The following CALN1 variants were observed in gnomAD, a reference collection of about 807,000 sequenced individuals.
The protein encoded by CALN1 is calcium-binding protein 8.
Under a neutral mutation model 30.6 loss-of-function variants are expected in CALN1, and 17 were observed. The ratio of observed to expected loss-of-function variants is 0.56; its 90% CI spans 0.38 to 0.83. The LOEUF (loss-of-function observed/expected upper bound fraction) is 0.83, where lower values mean the gene tolerates loss of function less well. Among genes scored for constraint, CALN1 ranks in the 40% least tolerant of loss-of-function variants. CALN1 has a pLI of 0.00. For missense variants in CALN1, 291 were observed against 354.9 expected (o/e 0.82, Z 1.45); for synonymous variants, 156 against 131.4 (o/e 1.19, Z -1.28).
chr7:72,190,865 A>C (rs1790547117), intron 3 of CALN1, among the ~76,000 whole-genome samples: 1 of 152,056 alleles, frequency 6.6e-6, no homozygotes, highest in Non-Finnish European at 1.5e-5. Context: ...CAGTTAAAAA[A>C]TGTGTGTCTT....
At chr7:71,971,012 G>C (rs1453243253) in intron 5 of CALN1, among the ~76,000 whole-genome samples, 1 of 152,146 alleles carries the variant, frequency 6.6e-6, no homozygotes, top group Non-Finnish European at 1.5e-5. Flanking sequence ...GTGTGATTAT[G>C]ACACTAGGAA....
chr7:72,243,142 G>T (rs1448659713), intron 3 of CALN1, among the ~76,000 whole-genome samples: 1 of 152,142 alleles, frequency 6.6e-6, no homozygotes, highest in Non-Finnish European at 1.5e-5. Flanking sequence ...ATTAGGTTTA[G>T]ATGAGGTCAT....
chr7:72,410,820 A>G (rs1014218732), intron 1 of CALN1, among the ~76,000 whole-genome samples: 1 of 152,220 alleles, frequency 6.6e-6, no homozygotes, highest in Non-Finnish European at 1.5e-5. Context: ...TTACTTTCCA[A>G]GAAGCACTAG....
chr7:71,827,775 A>AAAAAAAT (rs1554347603), intron 5 of CALN1, among the ~76,000 whole-genome samples: 96 of 140,340 alleles, frequency 6.8e-4, no homozygotes, highest in African/African-American at 2.5e-3. Context: ...CCATCTTAAA[A>AAAAAAAT]AAATAAATAA....
chr7:71,914,323 C>T (rs4717620), intron 5 of CALN1, among the ~76,000 whole-genome samples: 13,039 of 152,162 alleles, frequency 0.086, 952 homozygotes, highest in East Asian at 0.42. Context: ...TCTGTTCCTG[C>T]GTTAGTTTGC....
At chr7:72,197,029 G>T (rs1216774292) in intron 3 of CALN1, among the ~76,000 whole-genome samples, 1 of 152,094 alleles carries the variant, frequency 6.6e-6, no homozygotes, top group African/African-American at 2.4e-5. Context: ...AAGAATGGAT[G>T]CACTTAAAAC....
At position 71,847,679 on chromosome 7, in the gene CALN1, C is replaced by CA. The variant is rs1212307088; in HGVS notation, c.502-37188dup. Among the ~76,000 whole-genome samples, 240 of 68,796 alleles carry CA rather than the reference C, an allele frequency of 3.5e-3. 2 individuals are homozygous for CA. Among genetic ancestry groups the CA allele is most frequent in the African/African-American group, 0.011 (169 of 15,850 alleles). The allele number at this position is 68,796 out of a possible 152,430, so 45.1% of individuals were successfully genotyped here. A position where few individuals can be genotyped will look rare whatever the true frequency, so the allele number is the denominator to read the frequency against. ...CCTGGGCAACAGAGTGAGACTCTGT[C>CA]AAAAAAAAAAAGGAGGAAGAAGAAA... On this transcript the variant is annotated intron_variant, in intron 5 of 6. Coordinates refer to ENST00000395275, the MANE Select transcript of CALN1 (RefSeq NM_031468.4).
intron 2 of CALN1, among the ~76,000 whole-genome samples, chr7:72,284,514 T>C (rs1408429284): frequency 8.6e-6 from 1 of 115,794 alleles, no homozygotes; most frequent in Non-Finnish European, 2.1e-5. Context: ...TCCTCCCCAG[T>C]GTGGGTGGGT....
At chr7:72,001,279 C>T (rs529994184) in intron 5 of CALN1, among the ~76,000 whole-genome samples, 53 of 152,162 alleles carry the variant, frequency 3.5e-4, no homozygotes, top group African/African-American at 1.3e-3. Context: ...GGTAGAAAAA[C>T]CTGAAACTGG....
intron 3 of CALN1, among the ~76,000 whole-genome samples, chr7:72,141,761 G>T (rs557827066): frequency 6.6e-6 from 1 of 152,106 alleles, no homozygotes; most frequent in East Asian, 2.0e-4. Context: ...TAGAGACAGG[G>T]TTTCACCATG....
the CALN1 span, among the ~76,000 whole-genome samples, chr7:72,454,129 T>C: frequency 1.3e-5 from 2 of 152,180 alleles, no homozygotes; most frequent in Non-Finnish European, 2.9e-5. Context: ...CTAATATTTT[T>C]AGAACTTGGT....
chr7:72,255,465 A>T (rs1250682410), intron 3 of CALN1, among the ~76,000 whole-genome samples: 1 of 151,028 alleles, frequency 6.6e-6, no homozygotes, highest in East Asian at 1.9e-4. Context: ...CCCAGGCTGG[A>T]GTGCAGTGGC....
intron 2 of CALN1, among the ~76,000 whole-genome samples, chr7:72,301,372 C>T (rs1799249442): frequency 6.6e-6 from 1 of 151,950 alleles, no homozygotes; most frequent in Non-Finnish European, 1.5e-5. Flanking sequence ...CTTTGGGAGG[C>T]CGAGGCAGGT....
chr7:71,869,452 T>C (rs1014443169), intron 5 of CALN1, among the ~76,000 whole-genome samples: 1 of 152,178 alleles, frequency 6.6e-6, no homozygotes. Flanking sequence ...CCTCAGGTGA[T>C]CTGCCTGCCT....
At chr7:72,471,022 C>T in the CALN1 span, among the ~76,000 whole-genome samples, 3 of 152,112 alleles carry the variant, frequency 2.0e-5, no homozygotes, top group East Asian at 5.8e-4. Context: ...GTGGTGCAAT[C>T]TTGGCTCACT....
At chr7:72,079,244 G>A (rs997426954) in intron 4 of CALN1, among the ~76,000 whole-genome samples, 5 of 152,110 alleles carry the variant, frequency 3.3e-5, no homozygotes, top group Non-Finnish European at 5.9e-5. Context: ...TAATTTCTCT[G>A]TGCTTCCGTG....
At position 71,861,777 on chromosome 7, in the gene CALN1, CAAAA is replaced by C. The variant is rs35793572; in HGVS notation, c.502-51289_502-51286del. Among the ~76,000 whole-genome samples, 200 of 74,690 alleles carry C rather than the reference CAAAA, an allele frequency of 2.7e-3. 1 individual carries two copies. Among genetic ancestry groups the C allele is most frequent in the African/African-American group, 0.01 (189 of 18,048 alleles). 49.0% of individuals were successfully genotyped at this position (74,690 alleles called of 152,430 possible). On this transcript the variant is annotated intron_variant, in intron 5 of 6. Coordinates refer to ENST00000395275, the MANE Select transcript of CALN1 (RefSeq NM_031468.4). ...ATGGGTGAAAGAGTGCAACTCTATC[CAAAA>C]AAAAAAAAAAAAAAAAAAAGAGAGA... is the stretch of plus-strand genomic sequence containing the variant.
rs571025793 is a variant in CALN1, at chr7:72,146,046, C to G, written c.245-39752G>C. Among the ~76,000 whole-genome samples, 135 of 152,308 alleles carry G rather than the reference C, an allele frequency of 8.9e-4. 1 individual carries two copies. The highest frequency in any genetic ancestry group is 3.1e-3 in the African/African-American group (128 of 41,574). ...AATGGGCAAAAACTGGAAGCATTCC[C>G]TTTGAAAACTGGCACAAGACAGGGA... On this transcript the variant is annotated intron_variant, in intron 3 of 6. Coordinates refer to ENST00000395275, the MANE Select transcript of CALN1 (RefSeq NM_031468.4).
At chr7:72,124,637 G>A (rs988651228) in intron 3 of CALN1, among the ~76,000 whole-genome samples, 16 of 151,618 alleles carry the variant, frequency 1.1e-4, no homozygotes, top group South Asian at 8.3e-4. Context: ...GGGAGACAGA[G>A]CAAGAACCTT....
Sources: gnomAD v4.1 joint callset for allele counts (sites outside exome capture counted in the v4.1 genomes callset) on GRCh38, gnomAD v4.1.1 for gene constraint, MANE v1.5 for transcripts, NCBI Gene and HGNC (gene_info 2026-07-23, HGNC 2026-07-21) for gene names.